Variants in AGBL4 observed in about 807,000 individuals in gnomAD.
The protein encoded by AGBL4 is cytosolic carboxypeptidase 6.
Under a neutral mutation model 66.4 loss-of-function variants are expected in AGBL4, and 58 were observed. The ratio of observed to expected loss-of-function variants is 0.87; its 90% CI spans 0.71 to 1.09. The LOEUF (loss-of-function observed/expected upper bound fraction) is 1.09, where lower values mean the gene tolerates loss of function less well. AGBL4 is among the 50% of genes least tolerant of loss of function. The pLI is 0.00. For synonymous variants in AGBL4, 234 were observed against 222.9 expected (o/e 1.05, Z -0.44); for missense variants, 579 against 631.0 (o/e 0.92, Z 0.88).
At chr1:49,479,958 C>T (rs1361484037) in intron 3 of AGBL4, among the ~76,000 whole-genome samples, 1 of 151,848 alleles carries the variant, frequency 6.6e-6, no homozygotes, top group Non-Finnish European at 1.5e-5. Flanking sequence ...CCACCCGCCT[C>T]GACCTCCCAA....
intron 2 of AGBL4, among the ~76,000 whole-genome samples, chr1:49,850,610 G>A (rs373686023): frequency 3.3e-5 from 5 of 152,028 alleles, no homozygotes; most frequent in African/African-American, 7.2e-5. Flanking sequence ...CAATTGTTTG[G>A]TATAAACAAC....
chr1:49,335,473 A>G (rs1245447227), intron 3 of AGBL4, among the ~76,000 whole-genome samples: 1 of 151,790 alleles, frequency 6.6e-6, no homozygotes, highest in Non-Finnish European at 1.5e-5. Flanking sequence ...TGCTTAAGAC[A>G]CTCTAATGAT....
intron 3 of AGBL4, among the ~76,000 whole-genome samples, chr1:49,666,115 C>CCTAGCTTTAAGTTTTCTTCTTAG (rs1646362297): frequency 6.6e-6 from 1 of 152,028 alleles, no homozygotes; most frequent in African/African-American, 2.4e-5. Flanking sequence ...TACCACCACA[C>CCTAGCTTTAAGTTTTCTTCTTAG]CTAGCTTTAA....
At chr1:48,809,907 T>A (rs936446482) in intron 6 of AGBL4, among the ~76,000 whole-genome samples, 1 of 152,174 alleles carries the variant, frequency 6.6e-6, no homozygotes, top group South Asian at 2.1e-4. Flanking sequence ...TCTGGGTGCA[T>A]GAGGAATAGG....
intron 5 of AGBL4, among the ~76,000 whole-genome samples, chr1:49,029,667 A>G (rs960509213): frequency 1.3e-5 from 2 of 152,204 alleles, no homozygotes; most frequent in Non-Finnish European, 2.9e-5. Flanking sequence ...TTTTGTAGAA[A>G]TTGATAAGGT....
At chr1:49,135,792 G>A (rs929680487) in intron 4 of AGBL4, among the ~76,000 whole-genome samples, 9 of 152,116 alleles carry the variant, frequency 5.9e-5, no homozygotes, top group South Asian at 2.1e-4. Flanking sequence ...CAGCTTGGGC[G>A]TTAGGGACAT....
chr1:49,966,627 C>T (rs1406508440), intron 1 of AGBL4, among the ~76,000 whole-genome samples: 2 of 151,940 alleles, frequency 1.3e-5, no homozygotes, highest in Non-Finnish European at 2.9e-5. Flanking sequence ...AACTTTTCTG[C>T]TTGTCAGTTT....
intron 3 of AGBL4, among the ~76,000 whole-genome samples, chr1:49,364,735 C>T (rs1245240874): frequency 6.6e-6 from 1 of 152,200 alleles, no homozygotes; most frequent in Non-Finnish European, 1.5e-5. Context: ...ACCTCGGCCT[C>T]CCAAAGTGCT....
chr1:49,286,411 G>A (rs1644411162), intron 3 of AGBL4, among the ~76,000 whole-genome samples: 1 of 151,964 alleles, frequency 6.6e-6, no homozygotes, highest in South Asian at 2.1e-4. Flanking sequence ...AGGAAAAGAG[G>A]AAGTCAAATT....
chr1:49,000,513 T>A (rs1011069822), intron 5 of AGBL4, among the ~76,000 whole-genome samples: 4 of 152,226 alleles, frequency 2.6e-5, no homozygotes, highest in Non-Finnish European at 4.4e-5. Flanking sequence ...CATATACAAA[T>A]AGGAATCAGT....
chr1:49,720,587 C>T (rs1294907036), intron 2 of AGBL4, among the ~76,000 whole-genome samples: 1 of 152,118 alleles, frequency 6.6e-6, no homozygotes, highest in Non-Finnish European at 1.5e-5. Context: ...GTTCACATCA[C>T]ATCTCCAACC....
At chr1:48,983,324 T>C (rs1301236551) in intron 5 of AGBL4, among the ~76,000 whole-genome samples, 2 of 152,270 alleles carry the variant, frequency 1.3e-5, no homozygotes. Flanking sequence ...GAATAGTCTG[T>C]TCTGTCAGGC....
At chr1:49,910,391 C>T (rs944948074) in intron 1 of AGBL4, among the ~76,000 whole-genome samples, 3 of 152,124 alleles carry the variant, frequency 2.0e-5, no homozygotes, top group Non-Finnish European at 2.9e-5. Context: ...TTGACAAGAG[C>T]TTCAGTGGAG....
At chr1:49,573,552 C>A (rs1644376743) in intron 3 of AGBL4, among the ~76,000 whole-genome samples, 1 of 152,040 alleles carries the variant, frequency 6.6e-6, no homozygotes. Flanking sequence ...TTTCAGTGAA[C>A]AAAGTAATGA....
At chr1:49,022,647 C>A (rs1385648749) in intron 5 of AGBL4, among the ~76,000 whole-genome samples, 1 of 152,088 alleles carries the variant, frequency 6.6e-6, no homozygotes. Context: ...CCTCTCTCAG[C>A]CCCTGTAACC....
chr1:49,563,509 T>C (rs1644108741), intron 3 of AGBL4, among the ~76,000 whole-genome samples: 1 of 152,188 alleles, frequency 6.6e-6, no homozygotes, highest in Non-Finnish European at 1.5e-5. Context: ...TTGAGAGTTT[T>C]TAGCATGAAG....
intron 4 of AGBL4, among the ~76,000 whole-genome samples, chr1:49,078,687 T>C (rs1329454477): frequency 2.6e-5 from 4 of 152,192 alleles, no homozygotes; most frequent in Non-Finnish European, 5.9e-5. Context: ...TCTGGGCCAC[T>C]GTAGCAGCCT....
rs563392559 is a variant in AGBL4, at chr1:49,316,428, A to C, written c.283-70564T>G. ...CCGTAAATCAAAAACTGCTTGATGA[A>C]AAGTCTATTAGAAAAAAAAGCTCTC... On this transcript the variant is annotated intron_variant, in intron 3 of 13. Transcript: ENST00000371839. 2.8e-4 allele frequency among the ~76,000 whole-genome samples: 42 copies of C among 152,052 alleles called. No homozygotes were observed. The South Asian group carries it at 6.0e-3, about 22-fold the overall frequency.
At chr1:49,979,284 A>AC (rs1391093446) in intron 1 of AGBL4, among the ~76,000 whole-genome samples, 2 of 151,382 alleles carry the variant, frequency 1.3e-5, no homozygotes, top group African/African-American at 4.9e-5. Flanking sequence ...ACAAGGTGAA[A>AC]CCCCGTCTCT....
Sources: gnomAD v4.1 joint callset for allele counts (sites outside exome capture counted in the v4.1 genomes callset) on GRCh38, gnomAD v4.1.1 for gene constraint, MANE v1.5 for transcripts, NCBI Gene and HGNC (gene_info 2026-07-23, HGNC 2026-07-21) for gene names.